EPS15L1: variants seen among roughly 807,000 people sequenced by gnomAD.
EPS15L1 encodes the protein epidermal growth factor receptor pathway substrate 15 like 1, also known as epidermal growth factor receptor substrate 15-like 1.
In EPS15L1, 43 loss-of-function variants were observed where a neutral mutation model predicts 117.1. The ratio of observed to expected loss-of-function variants is 0.37; its 90% CI spans 0.29 to 0.47. The LOEUF (loss-of-function observed/expected upper bound fraction) is 0.47. Among genes scored for constraint, EPS15L1 ranks in the 20% least tolerant of loss-of-function variants. The pLI is 0.99. For missense variants in EPS15L1, 981 were observed against 1,164.0 expected, an observed-to-expected ratio of 0.84 and a Z score of 2.29; for synonymous variants, 459 against 470.5, an observed-to-expected ratio of 0.98 and a Z score of 0.32.
At chr19:16,357,220 CT>C (rs1398363328) in intron 23 of EPS15L1, 2 of 152,346 alleles carry the variant, frequency 1.3e-5, no homozygotes, top group Non-Finnish European at 2.9e-5. Flanking sequence ...TCTCATCCCT[CT>C]GACAGCTGGG....
At position 16,365,710 on chromosome 19, in the gene EPS15L1, G is replaced by A. The variant is rs1017168887; in HGVS notation, c.2381-3726C>T. Among the ~76,000 whole-genome samples the A allele has an allele frequency of 2.0e-5, 3 of 152,186 alleles. No homozygotes were observed. The highest frequency in any genetic ancestry group is 4.4e-5 in the Non-Finnish European group (3 of 68,032). On this transcript the variant is annotated intron_variant, in intron 22 of 23. Transcript: ENST00000455140. This position sits in a 1 kb window ranked among gnomAD's most constrained non-coding sequence, Gnocchi z 4.9. Reference sequence around the variant, plus strand: ...GCTTCTGCCCAGCTTCTCCCTCCACGGGAAAGCCCCCCCTCCCCCAGGGTC... The same window carrying A: ...GCTTCTGCCCAGCTTCTCCCTCCACAGGAAAGCCCCCCCTCCCCCAGGGTC...
chr19:16,401,706 C>A (rs1350297301), intron 16 of EPS15L1: 2 of 985,262 alleles, frequency 2.0e-6, no homozygotes, highest in African/African-American at 3.5e-5. Flanking sequence ...ATGTAAGGGG[C>A]CGACAGTCCC....
intron 1 of EPS15L1, among the ~76,000 whole-genome samples, chr19:16,461,546 C>G (rs1381025030): frequency 6.6e-6 from 1 of 151,176 alleles, no homozygotes; most frequent in Non-Finnish European, 1.5e-5. Flanking sequence ...CACTTGAACC[C>G]AAGAGGCAAA....
chr19:16,415,708 G>A (rs375253035), intron 12 of EPS15L1, among the ~76,000 whole-genome samples: 25 of 152,322 alleles, frequency 1.6e-4, no homozygotes, highest in African/African-American at 6.0e-4. Flanking sequence ...TGGGCACTCT[G>A]CACACACCAG....
chr19:16,386,209 T>A lies in EPS15L1; in HGVS notation c.2126A>T (p.Asp709Val), dbSNP rs2092419341. 1.2e-6 allele frequency: 2 copies of A among 1,612,682 alleles called. No individual in the cohort carries two copies. The highest frequency in any genetic ancestry group is 4.5e-5 in the East Asian group (2 of 44,846). Residue 709 changes from aspartate (D) to valine (V), a missense_variant, in exon 20 of 24, where the codon GAT becomes GTT. Coordinates refer to ENST00000455140, the MANE Select transcript of EPS15L1 (RefSeq NM_001258374.3). Reference sequence around the variant, plus strand: ...GGAGACACTGGAGGATGAAAAGGGATCACTGGATTCAAAGGGGTCGAGCTA... The same window carrying A: ...GGAGACACTGGAGGATGAAAAGGGAACACTGGATTCAAAGGGGTCGAGCTA... ...PSKLDPFESS[D>V]PFSSSSVSSK...
intron 1 of EPS15L1, among the ~76,000 whole-genome samples, chr19:16,458,528 G>A (rs779955387): frequency 6.0e-5 from 8 of 132,476 alleles, no homozygotes; most frequent in East Asian, 5.1e-4. Context: ...GCCTTCACCC[G>A]CTTCCCCACT....
rs769702902 is a variant in EPS15L1 at position 16,404,811 on chromosome 19, G to T, written c.1267-62C>A. 1.6e-5 allele frequency: 25 copies of T among 1,576,948 alleles called. No individual in the cohort carries two copies. Among genetic ancestry groups the T allele is most frequent in the Non-Finnish European group, 2.2e-5 (25 of 1,153,056 alleles). On this transcript the variant is annotated intron_variant, in intron 13 of 23. Transcript: ENST00000455140. This position sits in a 1 kb window ranked among gnomAD's most constrained non-coding sequence, Gnocchi z 4.2. ...AAAAATGAAGCATGTCCAAGATAAC[G>T]GGGGGCAGCCTGGGCCAGAAGTCCA...
chr19:16,452,472 G>T (rs1283332486), intron 1 of EPS15L1, among the ~76,000 whole-genome samples: 1 of 149,118 alleles, frequency 6.7e-6, no homozygotes, highest in African/African-American at 2.5e-5. Flanking sequence ...ACACAAGCCA[G>T]AGCCAGGTGT....
chr19:16,363,775 C>T (rs902489732), intron 22 of EPS15L1, among the ~76,000 whole-genome samples: 2 of 152,352 alleles, frequency 1.3e-5, no homozygotes, highest in Admixed American at 6.5e-5. Context: ...GGCCCGTAGC[C>T]CCCCCTTGCC....
chr19:16,466,324 A>G (rs2093304867), intron 1 of EPS15L1, among the ~76,000 whole-genome samples: 1 of 152,100 alleles, frequency 6.6e-6, no homozygotes, highest in Non-Finnish European at 1.5e-5. Context: ...CAGGCAATCT[A>G]TGATGTTTTC....
chr19:16,421,305 C>T lies in EPS15L1; in HGVS notation c.950+14G>A, dbSNP rs764523778. ...AGCCACCCACAGCCACAACTGCCACCTGTCCGGCCTTACCATATGTGTGCT... is the reference window on the plus strand; with the variant it reads ...AGCCACCCACAGCCACAACTGCCACTTGTCCGGCCTTACCATATGTGTGCT... On this transcript the variant is annotated intron_variant, in intron 10 of 23. Transcript: ENST00000455140. 1 of 1,589,358 alleles carries T rather than the reference C, an allele frequency of 6.3e-7. No homozygotes were observed. The highest frequency in any genetic ancestry group is 1.1e-5 in the South Asian group (1 of 90,060).
intron 1 of EPS15L1, among the ~76,000 whole-genome samples, chr19:16,449,275 CAAAA>C (rs531791982): frequency 1.6e-4 from 23 of 146,116 alleles, no homozygotes; most frequent in Middle Eastern, 3.5e-3. Context: ...AACAAACAAA[CAAAA>C]AAACACGAAG....
At chr19:16,455,888 TCCCCCCAC>T (rs2093190510) in intron 1 of EPS15L1, among the ~76,000 whole-genome samples, 1 of 151,670 alleles carries the variant, frequency 6.6e-6, no homozygotes, top group African/African-American at 2.4e-5. Context: ...GCTACTGACC[TCCCCCCAC>T]CCTTCGCATA....
At chr19:16,397,554 GGTGA>G (rs2092553277) in intron 16 of EPS15L1, among the ~76,000 whole-genome samples, 1 of 151,738 alleles carries the variant, frequency 6.6e-6, no homozygotes, top group Non-Finnish European at 1.5e-5. Context: ...TCCTTTTCTC[GGTGA>G]GTATGTACCT....
chr19:16,426,257 G>A (rs1238072579), intron 8 of EPS15L1, among the ~76,000 whole-genome samples: 2 of 152,248 alleles, frequency 1.3e-5, no homozygotes, highest in African/African-American at 4.8e-5. Flanking sequence ...TCACAAGAGT[G>A]CATGACCTGG....
chr19:16,466,825 T>G (rs1378159438), intron 1 of EPS15L1, among the ~76,000 whole-genome samples: 1 of 149,996 alleles, frequency 6.7e-6, no homozygotes, highest in Non-Finnish European at 1.5e-5. Flanking sequence ...ATCGCTTGAA[T>G]CCAGGAGGCA....
intron 12 of EPS15L1, 25 bp from the exon 13 acceptor site, chr19:16,413,870 A>G (rs766917614): frequency 1.9e-6 from 3 of 1,576,994 alleles, no homozygotes; most frequent in South Asian, 2.2e-5. Flanking sequence ...ATATTTCATG[A>G]AAACAAGAGT....
At chr19:16,429,391 A>G (rs2092908033) in intron 7 of EPS15L1, among the ~76,000 whole-genome samples, 1 of 152,150 alleles carries the variant, frequency 6.6e-6, no homozygotes. Context: ...CTGCCAGGCC[A>G]ACGCTGGGCA....
intron 8 of EPS15L1, among the ~76,000 whole-genome samples, chr19:16,427,656 C>G (rs1392050203): frequency 6.6e-6 from 1 of 152,154 alleles, no homozygotes; most frequent in Non-Finnish European, 1.5e-5. Context: ...CTTTAGGAGG[C>G]AGAGGCGGGC....
Sources: allele counts gnomAD v4.1 joint callset (sites outside exome capture counted in the v4.1 genomes callset), GRCh38; gene constraint gnomAD v4.1.1; non-coding constraint Gnocchi (gnomAD v3.1); transcripts MANE v1.5; gene names NCBI Gene and HGNC (gene_info 2026-07-23, HGNC 2026-07-21).